The following INTS8 variants were observed in gnomAD, a reference collection of about 807,000 sequenced individuals.
INTS8 encodes integrator complex subunit 8, also known as protein kaonashi-1.
Under a neutral mutation model 138.9 loss-of-function variants are expected in INTS8, and 47 were observed. The ratio of observed to expected loss-of-function variants is 0.34; its 90% CI spans 0.27 to 0.43. INTS8 has a LOEUF of 0.43. Among genes scored for constraint, INTS8 ranks in the 20% least tolerant of loss-of-function variants. The probability of loss-of-function intolerance (pLI) is 1.00; values close to 1 mark genes in which losing one functional copy is unlikely to be tolerated. For synonymous variants in INTS8, 392 were observed against 400.9 expected (o/e 0.98, Z 0.27); for missense variants, 996 against 1,173.0 (o/e 0.85, Z 2.20).
intron 15 of INTS8, 91 bp downstream of exon 15, chr8:94,857,069 A>AAC: frequency 3.5e-6 from 3 of 867,588 alleles, no homozygotes; most frequent in Non-Finnish European, 5.2e-6. Context: ...TGAGTTTGTA[A>AAC]TCTTTTTTTT....
At chr8:94,857,833 G>C (rs781268081) in intron 15 of INTS8, among the ~76,000 whole-genome samples, 2 of 152,184 alleles carry the variant, frequency 1.3e-5, no homozygotes, top group African/African-American at 4.8e-5. Flanking sequence ...ATAAGGTCAC[G>C]TTCTCAGGTT....
Position 94,823,375 on chromosome 8 carries a change from C to G in INTS8, c.-57C>G. 1 of 1,505,108 alleles carries G rather than the reference C, an allele frequency of 6.6e-7. No homozygotes were observed. Among genetic ancestry groups the G allele is most frequent in the Non-Finnish European group, 8.9e-7 (1 of 1,129,628 alleles). The allele number at this position is 1,505,108 out of a possible 1,614,324, so 93.2% of individuals were successfully genotyped here. On this transcript the variant is annotated 5_prime_UTR_variant, in exon 1 of 27. In the 5' UTR this introduces an upstream ATG that the reference lacks. Transcript: ENST00000523731. ...GCATACCCCAGGCACCGGCCCGCAT[C>G]CAAGTGTCAGGTTGGAGCCGGGAAG...
At chr8:94,866,026 T>C (rs1337553093) in intron 17 of INTS8, 132 bp from the exon 18 acceptor site, 2 of 562,734 alleles carry the variant, frequency 3.6e-6, no homozygotes, top group East Asian at 5.9e-5. Flanking sequence ...AGTATAACAG[T>C]AGAATATTAC....
chr8:94,844,026 C>CTTTTTTTTTTTTT, intron 10 of INTS8, among the ~76,000 whole-genome samples: 2 of 139,278 alleles, frequency 1.4e-5, no homozygotes, highest in Non-Finnish European at 3.1e-5. Flanking sequence ...TAGAGTTCTG[C>CTTTTTTTTTTTTT]TTTTTTTTTT....
intron 15 of INTS8, among the ~76,000 whole-genome samples, chr8:94,858,060 T>C (rs1815818223): frequency 6.6e-6 from 1 of 152,234 alleles, no homozygotes; most frequent in Non-Finnish European, 1.5e-5. Flanking sequence ...ATTCTAATTG[T>C]AAATGTCTTA....
chr8:94,838,691 C>T, intron 8 of INTS8, 73 bp downstream of exon 8: 2 of 1,258,508 alleles, frequency 1.6e-6, no homozygotes, highest in South Asian at 2.7e-5. Flanking sequence ...TCGCACCATC[C>T]ATTTACCAGT....
intron 26 of INTS8, among the ~76,000 whole-genome samples, chr8:94,878,602 C>CTA (rs1052084245): frequency 6.6e-6 from 1 of 152,218 alleles, no homozygotes; most frequent in East Asian, 1.9e-4. Context: ...AATTGATTTC[C>CTA]TATATAGTCA....
intron 10 of INTS8, among the ~76,000 whole-genome samples, chr8:94,845,769 C>T (rs560229381): frequency 4.0e-4 from 61 of 152,262 alleles, no homozygotes; most frequent in African/African-American, 1.4e-3. Context: ...CAGTCCTTTG[C>T]ATTTTTATGT....
intron 25 of INTS8, 65 bp from the exon 26 acceptor site, chr8:94,876,381 A>C (rs528176507): frequency 1.4e-6 from 2 of 1,407,238 alleles, no homozygotes; most frequent in African/African-American, 2.9e-5. Flanking sequence ...AAAACTGAAA[A>C]TGAGTTGAGA....
intron 13 of INTS8, among the ~76,000 whole-genome samples, 168 bp from the exon 14 acceptor site, chr8:94,853,637 G>T (rs944067713): frequency 6.6e-6 from 1 of 152,072 alleles, no homozygotes; most frequent in Admixed American, 6.6e-5. Context: ...TGTAGCGAAT[G>T]TGTTCATTTT....
chr8:94,836,327 A>C (rs369448911), intron 6 of INTS8, among the ~76,000 whole-genome samples, 197 bp from the exon 7 acceptor site: 1 of 152,298 alleles, frequency 6.6e-6, no homozygotes, highest in African/African-American at 2.4e-5. Context: ...TCAGTAAATC[A>C]ATATTCTGCT....
At chr8:94,850,146 A>G in intron 12 of INTS8, 55 bp downstream of exon 12, 2 of 1,203,880 alleles carry the variant, frequency 1.7e-6, no homozygotes, top group South Asian at 3.0e-5. Context: ...CCTCTATTCA[A>G]ATTAACCTTG....
At chr8:94,852,763 A>AT (rs1815595288) in intron 13 of INTS8, among the ~76,000 whole-genome samples, 1 of 151,832 alleles carries the variant, frequency 6.6e-6, no homozygotes, top group Non-Finnish European at 1.5e-5. Flanking sequence ...TGAATTTTGT[A>AT]TTTTTAGTAG....
intron 3 of INTS8, 93 bp downstream of exon 3, chr8:94,827,496 C>T (rs1037442609): frequency 7.1e-7 from 1 of 1,417,522 alleles, no homozygotes; most frequent in Non-Finnish European, 9.8e-7. Context: ...ACCCATTCTG[C>T]TGCAGGGATT....
intron 1 of INTS8, 129 bp downstream of exon 1, chr8:94,823,690 C>T: frequency 5.7e-6 from 4 of 699,560 alleles, no homozygotes; most frequent in South Asian, 4.0e-5. Context: ...AGCCCAGCTC[C>T]GGCCGGGCTC....
chr8:94,854,731 A>G (rs1381426976), intron 14 of INTS8, among the ~76,000 whole-genome samples: 3 of 152,110 alleles, frequency 2.0e-5, no homozygotes, highest in Non-Finnish European at 2.9e-5. Context: ...CACCTGTGAC[A>G]TTTGGGAACT....
chr8:94,855,070 T>G (rs1046811862), intron 14 of INTS8, among the ~76,000 whole-genome samples: 2 of 152,180 alleles, frequency 1.3e-5, no homozygotes, highest in Non-Finnish European at 2.9e-5. Flanking sequence ...ATAAAAATTT[T>G]GGGGCCCTGT....
At position 94,823,381 on chromosome 8, in the gene INTS8, G is replaced by A; in HGVS notation, c.-51G>A. ...CCCAGGCACCGGCCCGCATCCAAGT[G>A]TCAGGTTGGAGCCGGGAAGCGGCCC... On this transcript the variant is annotated 5_prime_UTR_variant, in exon 1 of 27. Coordinates refer to ENST00000523731, the MANE Select transcript of INTS8 (RefSeq NM_017864.4). 1.3e-6 allele frequency: 2 copies of A among 1,506,876 alleles called. No individual in the cohort carries two copies. Among genetic ancestry groups the A allele is most frequent in the Non-Finnish European group, 8.8e-7 (1 of 1,130,328 alleles). The allele number at this position is 1,506,876 out of a possible 1,614,324, so 93.3% of individuals were successfully genotyped here. A position where few individuals can be genotyped will look rare whatever the true frequency, so the allele number is the denominator to read the frequency against.
At chr8:94,873,546 G>T in intron 22 of INTS8, 69 bp downstream of exon 22, 3 of 962,832 alleles carry the variant, frequency 3.1e-6, no homozygotes, top group Middle Eastern at 4.3e-4. Context: ...TCCCCTTTTG[G>T]CTGAACTTAC....
Sources: gnomAD v4.1 joint callset for allele counts (sites outside exome capture counted in the v4.1 genomes callset) on GRCh38, gnomAD v4.1.1 for gene constraint, MANE v1.5 for transcripts, NCBI Gene and HGNC (gene_info 2026-07-23, HGNC 2026-07-21) for gene names.